Variants in KIFAP3 observed in about 807,000 individuals in gnomAD.
KIFAP3 encodes kinesin-associated protein 3.
A neutral mutation model predicts 106.5 loss-of-function variants in KIFAP3; 68 were observed. That is an observed-to-expected ratio of 0.64 (90% CI 0.53 to 0.78). The LOEUF (loss-of-function observed/expected upper bound fraction) is 0.78, where lower values mean the gene tolerates loss of function less well. Ranked by LOEUF, KIFAP3 falls within the 30% of genes least tolerant of loss-of-function variation. KIFAP3 has a pLI of 0.00. For synonymous variants in KIFAP3, 320 were observed against 311.5 expected (o/e 1.03, Z -0.29); for missense variants, 780 against 941.8 (o/e 0.83, Z 2.25).
chr1:170,024,667 C>T (rs1313814957), intron 8 of KIFAP3, 71 bp from the exon 9 acceptor site: 17 of 930,620 alleles, frequency 1.8e-5, no homozygotes, highest in Non-Finnish European at 2.3e-5. Context: ...ATCATTTCTA[C>T]TCACCAAGGC....
intron 10 of KIFAP3, among the ~76,000 whole-genome samples, chr1:169,998,708 A>G (rs1198881920): frequency 1.3e-5 from 2 of 152,188 alleles, no homozygotes; most frequent in East Asian, 3.8e-4. Flanking sequence ...CTTGTTACCC[A>G]CATATTATCT....
At chr1:170,024,717 A>T (rs1306429818) in intron 8 of KIFAP3, 121 bp from the exon 9 acceptor site, 2 of 521,512 alleles carry the variant, frequency 3.8e-6, no homozygotes, top group Admixed American at 8.0e-5. Flanking sequence ...TTATTTTGAA[A>T]ATTTTAACTG....
At chr1:169,941,119 TC>T (rs1469545646) in intron 19 of KIFAP3, among the ~76,000 whole-genome samples, 2 of 152,186 alleles carry the variant, frequency 1.3e-5, no homozygotes, top group East Asian at 3.8e-4. Flanking sequence ...TTCATCTTCA[TC>T]TTTTTTTCAC....
At chr1:169,989,508 A>G (rs1462493423) in intron 11 of KIFAP3, among the ~76,000 whole-genome samples, 2 of 152,088 alleles carry the variant, frequency 1.3e-5, no homozygotes, top group Non-Finnish European at 2.9e-5. Context: ...AGAAACCTTT[A>G]GAACATATGG....
intron 19 of KIFAP3, 55 bp from the exon 20 acceptor site, chr1:169,921,836 G>T: frequency 7.6e-7 from 1 of 1,312,156 alleles, no homozygotes; most frequent in Non-Finnish European, 1.1e-6. Context: ...CATCCACAAT[G>T]CAGATTAAGA....
intron 10 of KIFAP3, among the ~76,000 whole-genome samples, chr1:169,993,106 C>CT (rs202163966): frequency 0.24 from 31,237 of 130,666 alleles, 4,235 homozygotes; most frequent in Non-Finnish European, 0.3. Context: ...CTTTTCTGTC[C>CT]TTTTTTTTTT....
chr1:170,046,538 A>G (rs575211950), intron 3 of KIFAP3, among the ~76,000 whole-genome samples, 174 bp downstream of exon 3: 43 of 152,364 alleles, frequency 2.8e-4, no homozygotes, highest in South Asian at 2.1e-3. Flanking sequence ...AAAGCCTACC[A>G]TGAAAGCAAT....
At chr1:169,960,587 G>A (rs183744110) in intron 18 of KIFAP3, among the ~76,000 whole-genome samples, 92 of 152,044 alleles carry the variant, frequency 6.1e-4, no homozygotes, top group Non-Finnish European at 9.3e-4. Flanking sequence ...TGCCTAAATC[G>A]TCCCCAAAGT....
chr1:170,061,992 A>C (rs1671184117), intron 1 of KIFAP3, among the ~76,000 whole-genome samples: 1 of 152,068 alleles, frequency 6.6e-6, no homozygotes. Flanking sequence ...AATGGGGAAC[A>C]TCACACACTG....
intron 1 of KIFAP3, chr1:170,067,852 G>A (rs1671521901): frequency 1.3e-5 from 2 of 152,150 alleles, no homozygotes; most frequent in Non-Finnish European, 2.9e-5. Context: ...AGACATTTTG[G>A]GGGAATAGAT....
In KIFAP3 at chr1:170,074,634, C is replaced by T. The variant is rs1010285142; in HGVS notation, c.-167G>A. 16 of 1,481,570 alleles carry T rather than the reference C, an allele frequency of 1.1e-5. No individual in the cohort carries two copies. In the African/African-American group the frequency reaches 2.0e-4, roughly 18 times the overall value. 91.8% of individuals were successfully genotyped at this position (1,481,570 alleles called of 1,614,324 possible). Reference sequence around the variant, plus strand: ...GTGGTTACCACGGTGAAGCCTCCAGCTCCTCCCACAGCTTCTGTGCCCCAA... The same window carrying T: ...GTGGTTACCACGGTGAAGCCTCCAGTTCCTCCCACAGCTTCTGTGCCCCAA... On this transcript the variant is annotated 5_prime_UTR_variant, in exon 1 of 20. Coordinates refer to ENST00000361580, the MANE Select transcript of KIFAP3 (RefSeq NM_014970.4).
chr1:170,034,368 A>C lies in KIFAP3; in HGVS notation c.742+4T>G. ...ACGGTTCAAATGCCACTCTAAAAGG[A>C]TATCAGCTTTCTTCTTCTTTGAGAG... On this transcript the variant is annotated splice_donor_region_variant and intron_variant, in intron 7 of 19. Transcript: ENST00000361580. The C allele has an allele frequency of 6.2e-7, 1 of 1,604,836 alleles. No homozygotes were observed. Among genetic ancestry groups the C allele is most frequent in the Non-Finnish European group, 8.5e-7 (1 of 1,176,092 alleles).
chr1:169,965,469 C>T (rs1467064424), intron 17 of KIFAP3, among the ~76,000 whole-genome samples: 2 of 152,000 alleles, frequency 1.3e-5, no homozygotes, highest in Middle Eastern at 3.4e-3. Flanking sequence ...TTGACTCCTA[C>T]TAATACCTGT....
At chr1:170,072,991 G>C (rs1312579146) in intron 1 of KIFAP3, among the ~76,000 whole-genome samples, 1 of 152,158 alleles carries the variant, frequency 6.6e-6, no homozygotes, top group African/African-American at 2.4e-5. Context: ...GCAAACAATA[G>C]GTTGAGAATT....
At chr1:170,060,223 G>A (rs943970474) in intron 1 of KIFAP3, among the ~76,000 whole-genome samples, 17 of 152,248 alleles carry the variant, frequency 1.1e-4, no homozygotes, top group African/African-American at 2.4e-4. Context: ...AAGTCAAATT[G>A]TCCCTGTTTG....
intron 2 of KIFAP3, among the ~76,000 whole-genome samples, chr1:170,050,153 C>T (rs61825352): frequency 0.1 from 15,946 of 152,040 alleles, 998 homozygotes; most frequent in Admixed American, 0.18. Flanking sequence ...ACATAAATGA[C>T]TTGATGGAGC....
chr1:170,048,357 T>C (rs763132155), intron 2 of KIFAP3, among the ~76,000 whole-genome samples: 13 of 151,794 alleles, frequency 8.6e-5, no homozygotes, highest in Non-Finnish European at 7.4e-5. Flanking sequence ...TATTTTTATA[T>C]AGTTTTAGCT....
chr1:170,055,316 T>C lies in KIFAP3; in HGVS notation c.153A>G (p.Glu51=). The C allele has an allele frequency of 6.3e-7, 1 of 1,599,138 alleles. No homozygotes were observed. Among genetic ancestry groups the C allele is most frequent in the Non-Finnish European group, 8.5e-7 (1 of 1,176,110 alleles). ...MGDPMLGERK[E]CQKIIRLKSL... is the part of the protein sequence containing the mutation. Reference sequence around the variant, plus strand: ...AATAAAGAACTTACATTTTTTGACATTCTTTTCGTTCTCCCAACATGGGGT... The same window carrying C: ...AATAAAGAACTTACATTTTTTGACACTCTTTTCGTTCTCCCAACATGGGGT... Residue 51 remains glutamate (E), a synonymous_variant, in exon 2 of 20, where the codon GAA becomes GAG. Coordinates refer to ENST00000361580, the MANE Select transcript of KIFAP3 (RefSeq NM_014970.4).
At position 169,992,141 on chromosome 1, in the gene KIFAP3, C is replaced by A; in HGVS notation, c.1284+14G>T. ...TTTGTTAAATGTTTTTCATAAAACA[C>A]TTAAACCACTTACCTGTGGTATACA... On this transcript the variant is annotated intron_variant, in intron 11 of 19. Coordinates refer to ENST00000361580, the MANE Select transcript of KIFAP3 (RefSeq NM_014970.4). 7.6e-7 allele frequency: 1 copy of A among 1,309,930 alleles called. No individual in the cohort carries two copies. 81.1% of individuals were successfully genotyped at this position (1,309,930 alleles called of 1,614,324 possible).
Sources: allele counts gnomAD v4.1 joint callset (sites outside exome capture counted in the v4.1 genomes callset), GRCh38; gene constraint gnomAD v4.1.1; transcripts MANE v1.5; gene names NCBI Gene and HGNC (gene_info 2026-07-23, HGNC 2026-07-21).